Variants in ZFP90 observed in about 807,000 individuals in gnomAD.
ZFP90 encodes ZFP90 zinc finger protein.
Under a neutral mutation model 60.8 loss-of-function variants are expected in ZFP90, and 38 were observed. That is an observed-to-expected ratio of 0.62 (90% CI 0.48 to 0.82). The LOEUF (loss-of-function observed/expected upper bound fraction) is 0.82, where lower values mean the gene tolerates loss of function less well. Ranked by LOEUF, ZFP90 falls within the 40% of genes least tolerant of loss-of-function variation. The probability of loss-of-function intolerance (pLI) is 0.00; values close to 1 mark genes in which losing one functional copy is unlikely to be tolerated. For synonymous variants in ZFP90, 287 were observed against 264.8 expected, an observed-to-expected ratio of 1.08 and a Z score of -0.82; for missense variants, 711 against 759.1, an observed-to-expected ratio of 0.94 and a Z score of 0.74.
At chr16:68,570,241 C>G (rs1050775172), downstream of ZFP90, among the ~76,000 whole-genome samples, 16 of 152,140 alleles carry the variant, frequency 1.1e-4, no homozygotes, top group Non-Finnish European at 1.6e-4. Flanking sequence ...TGATGGATTC[C>G]ATGTGGCTAA....
chr16:68,540,570 A>C (rs1597711775), intron 2 of ZFP90, among the ~76,000 whole-genome samples: 1 of 152,134 alleles, frequency 6.6e-6, no homozygotes, highest in South Asian at 2.1e-4. Flanking sequence ...AAAATACATC[A>C]AGATCCAGAT....
chr16:68,548,774 G>A (rs1197183186), intron 2 of ZFP90, among the ~76,000 whole-genome samples: 1 of 152,144 alleles, frequency 6.6e-6, no homozygotes, highest in Non-Finnish European at 1.5e-5. Context: ...ACAGGCATGA[G>A]CCACTGTGCC....
intron 2 of ZFP90, among the ~76,000 whole-genome samples, chr16:68,574,489 T>TA (rs1256526563): frequency 5.7e-4 from 30 of 52,790 alleles, no homozygotes; most frequent in African/African-American, 2.7e-4. Flanking sequence ...GCAAACATGT[T>TA]GAAAAAAAAA....
intron 4 of ZFP90, chr16:68,562,785 C>G (rs925106662): frequency 1.2e-5 from 8 of 687,034 alleles, no homozygotes; most frequent in Non-Finnish European, 1.7e-5. Flanking sequence ...CAGTCCTGCT[C>G]ACTTATTTCC....
Position 68,539,466 on chromosome 16 carries a change from G to C in ZFP90, c.-49G>C, listed in dbSNP as rs1245659277. 2.2e-5 allele frequency: 9 copies of C among 400,554 alleles called. No individual in the cohort carries two copies. Among genetic ancestry groups the C allele is most frequent in the Non-Finnish European group, 4.4e-6 (1 of 225,074 alleles). The allele number at this position is 400,554 out of a possible 1,614,324, so 24.8% of individuals were successfully genotyped here. ...GTCGCGAAATCCGGAGCCCCCCAGAGGCGGTGATTCTGAGTGCGCGGGTCT... is the reference window on the plus strand; with the variant it reads ...GTCGCGAAATCCGGAGCCCCCCAGACGCGGTGATTCTGAGTGCGCGGGTCT... On this transcript the variant is annotated 5_prime_UTR_variant, in exon 1 of 5. Coordinates refer to ENST00000563169, the MANE Select transcript of ZFP90 (RefSeq NM_001305203.2).
chr16:68,560,943 A>T (rs11859375), intron 4 of ZFP90, among the ~76,000 whole-genome samples: 28,007 of 149,332 alleles, frequency 0.19, 2,936 homozygotes, highest in African/African-American at 0.28. Flanking sequence ...GTACAATGGC[A>T]TGATGCAGTG....
intron 4 of ZFP90, among the ~76,000 whole-genome samples, chr16:68,559,571 A>ATTAG (rs1314987877): frequency 2.6e-5 from 4 of 151,478 alleles, no homozygotes; most frequent in Admixed American, 6.6e-5. Flanking sequence ...AAATTAATTA[A>ATTAG]TTAATAATTT....
chr16:68,551,833 A>T (rs2091266416), intron 2 of ZFP90, among the ~76,000 whole-genome samples: 1 of 151,842 alleles, frequency 6.6e-6, no homozygotes, highest in Non-Finnish European at 1.5e-5. Flanking sequence ...ATCTCGGCTC[A>T]CTGCAAGCTC....
intron 2 of ZFP90, among the ~76,000 whole-genome samples, chr16:68,555,657 T>C (rs1196726536): frequency 6.6e-6 from 1 of 152,138 alleles, no homozygotes; most frequent in Non-Finnish European, 1.5e-5. Context: ...AAGCATTAAA[T>C]AGATGAGTAG....
chr16:68,576,057 A>G lies in ZFP90; in HGVS notation c.*181A>G, dbSNP rs552555986. The G allele has an allele frequency of 4.1e-3, 1,195 of 291,692 alleles. 11 individuals are homozygous for G. The highest frequency in any genetic ancestry group is 0.025 in the African/African-American group (1,080 of 43,476). The allele number at this position is 291,692 out of a possible 1,614,324, so 18.1% of individuals were successfully genotyped here. On this transcript the variant is annotated 3_prime_UTR_variant, in exon 3 of 3. Coordinates refer to the ZFP90 transcript ENST00000573113. ...CATTTATTTAAAAAAAAAAAAAAAA[A>G]GCATTTCATTAACAAGAGTGATCTT...
At position 68,564,822 on chromosome 16, in the gene ZFP90, G is replaced by A; in HGVS notation, c.*124G>A. The A allele has an allele frequency of 2.9e-6, 4 of 1,387,648 alleles. No individual in the cohort carries two copies. Among genetic ancestry groups the A allele is most frequent in the African/African-American group, 1.5e-5 (1 of 66,500 alleles). The allele number at this position is 1,387,648 out of a possible 1,614,324, so 86.0% of individuals were successfully genotyped here. A position where few individuals can be genotyped will look rare whatever the true frequency, so the allele number is the denominator to read the frequency against. The stretch of plus-strand genomic sequence containing the variant: ...TGTGTGTTTATACGTTGTGTGTGGA[G>A]AAAACTGCCAGTAGACAGATTTTTT... On this transcript the variant is annotated 3_prime_UTR_variant, in exon 5 of 5. Coordinates refer to ENST00000563169, the MANE Select transcript of ZFP90 (RefSeq NM_001305203.2).
Position 68,558,481 on chromosome 16 carries a change from G to A in ZFP90, c.169G>A (p.Val57Ile). 6.2e-7 allele frequency: 1 copy of A among 1,613,982 alleles called. No individual in the cohort carries two copies. Among genetic ancestry groups the A allele is most frequent in the Non-Finnish European group, 8.5e-7 (1 of 1,179,966 alleles). ...YSHLVSLGYQVSKPEVIFKLE... is the reference protein window; with the variant it reads ...YSHLVSLGYQISKPEVIFKLE... The stretch of plus-strand genomic sequence containing the variant: ...TATTTACCCATGAGCAGGATATCAA[G>A]TTTCCAAGCCAGAGGTGATCTTCAA... The change falls in exon 4 of 5, where the codon GTT becomes ATT. Residue 57 changes from valine (V) to isoleucine (I), a missense_variant. Val to Ile is a conservative substitution (Grantham distance 29, BLOSUM62 3). Coordinates refer to ENST00000563169, the MANE Select transcript of ZFP90 (RefSeq NM_001305203.2).
In ZFP90 at chr16:68,566,654, G is replaced by A; in HGVS notation, c.*1956G>A. On this transcript the variant is annotated 3_prime_UTR_variant, in exon 5 of 5. Coordinates refer to ENST00000563169, the MANE Select transcript of ZFP90 (RefSeq NM_001305203.2). The stretch of plus-strand genomic sequence containing the variant: ...CCTTGTTTATGGTGCACCATGATTA[G>A]CTCACACACAATGCCAAGGCTGTGC... 1 of 985,546 alleles carries A rather than the reference G, an allele frequency of 1.0e-6. No individual in the cohort carries two copies. The highest frequency in any genetic ancestry group is 1.2e-6 in the Non-Finnish European group (1 of 829,942). The allele number at this position is 985,546 out of a possible 1,614,324, so 61.1% of individuals were successfully genotyped here. A position where few individuals can be genotyped will look rare whatever the true frequency, so the allele number is the denominator to read the frequency against.
At chr16:68,534,261 C>T (rs1178749414) in intron 2 of ZFP90, among the ~76,000 whole-genome samples, 4 of 138,740 alleles carry the variant, frequency 2.9e-5, no homozygotes, top group Non-Finnish European at 4.6e-5. Flanking sequence ...CAGCGTCTCA[C>T]TGTGTAGCTC....
At chr16:68,547,622 T>G (rs867494037) in intron 2 of ZFP90, among the ~76,000 whole-genome samples, 9 of 151,048 alleles carry the variant, frequency 6.0e-5, no homozygotes, top group Non-Finnish European at 1.3e-4. Context: ...TATTTTAAAT[T>G]TCATATAAAT....
upstream of ZFP90, among the ~76,000 whole-genome samples, chr16:68,538,677 AC>A (rs1292889591): frequency 1.3e-5 from 2 of 150,196 alleles, no homozygotes; most frequent in East Asian, 3.9e-4. Context: ...TTGCACTCCA[AC>A]CTAGGCAACA....
chr16:68,567,958 A>G (rs2091547028), downstream of ZFP90, among the ~76,000 whole-genome samples: 1 of 152,104 alleles, frequency 6.6e-6, no homozygotes, highest in South Asian at 2.1e-4. Flanking sequence ...GCACTTTTTA[A>G]AAATACTAAG....
chr16:68,542,898 GCT>G (rs1473697992), intron 2 of ZFP90, among the ~76,000 whole-genome samples: 1 of 152,124 alleles, frequency 6.6e-6, no homozygotes, highest in African/African-American at 2.4e-5. Context: ...TTAGGACCCT[GCT>G]CTCAAGGAGC....
rs1204283273 is a variant in ZFP90 at position 68,564,181 on chromosome 16, TTAC to T, written c.1396_1398del (p.Thr466del). On this transcript the variant is annotated inframe_deletion, in exon 5 of 5. Transcript: ENST00000563169. ...GAAGACTTTAGTCACATTACAGACT[TTAC>T]TGACCATCAGAGGATCCATACTGCA... The T allele has an allele frequency of 6.2e-7, 1 of 1,614,126 alleles. No individual in the cohort carries two copies. The highest frequency in any genetic ancestry group is 8.5e-7 in the Non-Finnish European group (1 of 1,180,032).
Sources: gnomAD v4.1 joint callset for allele counts (sites outside exome capture counted in the v4.1 genomes callset) on GRCh38, gnomAD v4.1.1 for gene constraint, MANE v1.5 for transcripts, NCBI Gene and HGNC (gene_info 2026-07-23, HGNC 2026-07-21) for gene names.